The following RABGAP1L variants were observed in gnomAD, a reference collection of about 807,000 sequenced individuals.
RABGAP1L encodes the protein RAB GTPase activating protein 1 like.
RABGAP1L carries 63 observed loss-of-function variants against 137.7 expected under a neutral mutation model. The ratio of observed to expected loss-of-function variants is 0.46; its 90% CI spans 0.37 to 0.56. The LOEUF is 0.56. Among genes scored for constraint, RABGAP1L ranks in the 20% least tolerant of loss-of-function variants. The probability of loss-of-function intolerance (pLI) is 0.00; values close to 1 mark genes in which losing one functional copy is unlikely to be tolerated. For synonymous variants in RABGAP1L, 431 were observed against 433.7 expected (o/e 0.99, Z 0.08); for missense variants, 1,095 against 1,244.0 (o/e 0.88, Z 1.80).
chr1:174,433,583 A>G (rs1201987661), intron 13 of RABGAP1L, among the ~76,000 whole-genome samples: 1 of 152,158 alleles, frequency 6.6e-6, no homozygotes, highest in Non-Finnish European at 1.5e-5. Flanking sequence ...CTGGCATTTG[A>G]TATGTCTTTT....
chr1:174,613,380 T>A (rs1278796785), intron 13 of RABGAP1L, among the ~76,000 whole-genome samples: 1 of 152,186 alleles, frequency 6.6e-6, no homozygotes, highest in Non-Finnish European at 1.5e-5. Flanking sequence ...AGTGAGTTTC[T>A]TAATCCTGAG....
intron 12 of RABGAP1L, among the ~76,000 whole-genome samples, chr1:174,392,249 A>G (rs61826863): frequency 0.09 from 13,740 of 152,284 alleles, 836 homozygotes; most frequent in East Asian, 0.22. Context: ...TAAAAGGGCT[A>G]CTTTCCCTTT....
At chr1:174,444,398 T>A (rs1421805349) in intron 13 of RABGAP1L, among the ~76,000 whole-genome samples, 1 of 151,834 alleles carries the variant, frequency 6.6e-6, no homozygotes, top group Non-Finnish European at 1.5e-5. Context: ...CCTCCTATAA[T>A]TTTTTTTGTT....
At chr1:174,346,037 G>T (rs1452474130) in intron 11 of RABGAP1L, among the ~76,000 whole-genome samples, 2 of 152,064 alleles carry the variant, frequency 1.3e-5, no homozygotes, top group South Asian at 2.1e-4. Context: ...TGTTGATAAT[G>T]TATCAGATTG....
At chr1:174,374,006 A>G (rs957534974) in intron 12 of RABGAP1L, among the ~76,000 whole-genome samples, 7 of 152,168 alleles carry the variant, frequency 4.6e-5, no homozygotes, top group African/African-American at 1.4e-4. Context: ...ATAGAGATTT[A>G]TTTATTAGGA....
At chr1:174,317,677 G>T (rs1345720604) in intron 11 of RABGAP1L, among the ~76,000 whole-genome samples, 1 of 152,154 alleles carries the variant, frequency 6.6e-6, no homozygotes, top group African/African-American at 2.4e-5. Context: ...TTTCCCCCCA[G>T]TCCACTGTCT....
chr1:174,437,390 GAA>G (rs1190119707), intron 13 of RABGAP1L, among the ~76,000 whole-genome samples: 2 of 152,174 alleles, frequency 1.3e-5, no homozygotes, highest in Non-Finnish European at 2.9e-5. Flanking sequence ...TGATGGAGCT[GAA>G]AACCATGGCA....
intron 17 of RABGAP1L, among the ~76,000 whole-genome samples, chr1:174,716,859 A>C (rs1451004324): frequency 6.6e-6 from 1 of 152,106 alleles, no homozygotes; most frequent in East Asian, 1.9e-4. Flanking sequence ...CATGTCTGGT[A>C]ATTATTTCTT....
At chr1:174,665,212 G>A (rs1676692061) in intron 14 of RABGAP1L, among the ~76,000 whole-genome samples, 1 of 152,124 alleles carries the variant, frequency 6.6e-6, no homozygotes, top group Non-Finnish European at 1.5e-5. Context: ...CCTGGGCTCT[G>A]GAGCTGGACT....
At chr1:174,665,728 G>A (rs1290110451) in intron 14 of RABGAP1L, among the ~76,000 whole-genome samples, 3 of 152,178 alleles carry the variant, frequency 2.0e-5, no homozygotes, top group Non-Finnish European at 4.4e-5. Flanking sequence ...GCCTCCCAAA[G>A]TGCTGGGATT....
chr1:174,372,871 T>C (rs1277627887), intron 12 of RABGAP1L, among the ~76,000 whole-genome samples: 1 of 152,192 alleles, frequency 6.6e-6, no homozygotes, highest in Non-Finnish European at 1.5e-5. Flanking sequence ...AAACTTTGCA[T>C]TGCCATTATG....
intron 13 of RABGAP1L, chr1:174,548,565 T>C: frequency 5.1e-6 from 5 of 974,956 alleles, no homozygotes; most frequent in African/African-American, 1.8e-5. Context: ...TTTTTCATCT[T>C]TTTGTGAGAT....
chr1:174,974,352 C>T (rs1343203717), intron 21 of RABGAP1L, among the ~76,000 whole-genome samples: 1 of 152,146 alleles, frequency 6.6e-6, no homozygotes, highest in Non-Finnish European at 1.5e-5. Context: ...GAGGGTCTCC[C>T]TGCTTTGTGA....
chr1:174,453,545 G>A (rs1402361607), intron 13 of RABGAP1L, among the ~76,000 whole-genome samples: 1 of 152,202 alleles, frequency 6.6e-6, no homozygotes, highest in African/African-American at 2.4e-5. Context: ...CATCATGTAT[G>A]TGTAGGTAGG....
At chr1:174,475,387 G>C (rs1658393169) in intron 13 of RABGAP1L, among the ~76,000 whole-genome samples, 1 of 152,034 alleles carries the variant, frequency 6.6e-6, no homozygotes, top group African/African-American at 2.4e-5. Flanking sequence ...TATTGTGACT[G>C]TTTTTAAGGT....
intron 18 of RABGAP1L, among the ~76,000 whole-genome samples, chr1:174,784,082 C>T (rs1440314332): frequency 1.6e-5 from 2 of 121,756 alleles, no homozygotes; most frequent in Non-Finnish European, 3.2e-5. Context: ...TGCAGTGGTG[C>T]GATCTCGGCT....
chr1:174,851,100 T>C (rs534910964), intron 19 of RABGAP1L, among the ~76,000 whole-genome samples: 2 of 152,348 alleles, frequency 1.3e-5, no homozygotes, highest in East Asian at 3.9e-4. Context: ...TTCAGCTTTG[T>C]GATACCCTGA....
At chr1:174,348,693 AAC>A (rs1360789645) in intron 11 of RABGAP1L, among the ~76,000 whole-genome samples, 2 of 147,902 alleles carry the variant, frequency 1.4e-5, no homozygotes, top group African/African-American at 5.0e-5. Flanking sequence ...GCATCTGTTT[AAC>A]AAAGCACATC....
intron 17 of RABGAP1L, among the ~76,000 whole-genome samples, chr1:174,750,040 T>A (rs1021436207): frequency 1.3e-5 from 2 of 152,094 alleles, no homozygotes; most frequent in African/African-American, 4.8e-5. Context: ...CGGCTAATTT[T>A]TTGTATTTTT....
Sources: gnomAD v4.1 joint callset for allele counts (sites outside exome capture counted in the v4.1 genomes callset) on GRCh38, gnomAD v4.1.1 for gene constraint, MANE v1.5 for transcripts, NCBI Gene and HGNC (gene_info 2026-07-23, HGNC 2026-07-21) for gene names.